The following PADI4 variants were observed in gnomAD, a reference collection of about 807,000 sequenced individuals.
PADI4 encodes the protein protein-arginine deiminase type-4.
Under a neutral mutation model 75.0 loss-of-function variants are expected in PADI4, and 62 were observed. The ratio of observed to expected loss-of-function variants is 0.83; its 90% confidence interval spans 0.67 to 1.02. The LOEUF is 1.02. Among genes scored for constraint, PADI4 ranks in the 50% least tolerant of loss-of-function variants. The pLI is 0.00. For synonymous variants in PADI4, 361 were observed against 348.1 expected, an observed-to-expected ratio of 1.04 and a Z score of -0.41; for missense variants, 845 against 850.5, an observed-to-expected ratio of 0.99 and a Z score of 0.08.
At chr1:17,311,575 A>T (rs1417779524) in intron 1 of PADI4, among the ~76,000 whole-genome samples, 3 of 150,070 alleles carry the variant, frequency 2.0e-5, no homozygotes, top group African/African-American at 4.9e-5. Flanking sequence ...CCCAGGCTGG[A>T]GTGCAGTGGC....
chr1:17,359,237 C>T, intron 14 of PADI4, 43 bp from the exon 15 acceptor site: 1 of 894,138 alleles, frequency 1.1e-6, no homozygotes, highest in Non-Finnish European at 1.7e-6. Flanking sequence ...CCACCCCCGA[C>T]TGCCATCAGT....
chr1:17,312,839 G>A (rs1443023207), intron 1 of PADI4, among the ~76,000 whole-genome samples: 2 of 150,392 alleles, frequency 1.3e-5, no homozygotes, highest in East Asian at 3.9e-4. Flanking sequence ...TCGGCAAATT[G>A]TGAGGGAGAT....
At chr1:17,308,431 A>G in intron 1 of PADI4, 117 bp downstream of exon 1, 2 of 761,230 alleles carry the variant, frequency 2.6e-6, no homozygotes, top group Non-Finnish European at 4.4e-6. Context: ...CTCTGCAGCC[A>G]CTGCCAGGGG....
At position 17,349,923 on chromosome 1, in the gene PADI4, C is replaced by T. The variant is rs146076750; in HGVS notation, c.1155+1875C>T. On this transcript the variant is annotated intron_variant, in intron 10 of 15. Coordinates refer to ENST00000375448, the MANE Select transcript of PADI4 (RefSeq NM_012387.3). ...ACTTGCCTAACGTTTCCCCACCTCA[C>T]GGTCTTTGCATATGCCGTTCCCTCT... 1.9e-3 allele frequency among the ~76,000 whole-genome samples: 231 copies of T among 122,968 alleles called. 15 individuals are homozygous for T. The highest frequency in any genetic ancestry group is 8.8e-3 in the Middle Eastern group (2 of 226). 80.7% of individuals were successfully genotyped at this position (122,968 alleles called of 152,430 possible).
At chr1:17,359,217 T>TTGCCCCCCCCCCCCCC in intron 14 of PADI4, 63 bp from the exon 15 acceptor site, 1 of 647,812 alleles carries the variant, frequency 1.5e-6, no homozygotes. Context: ...CCCCACACTG[T>TTGCCCCCCCCCCCCCC]CCCCCACCCC....
intron 15 of PADI4, among the ~76,000 whole-genome samples, chr1:17,361,580 T>C (rs140771201): frequency 1.3e-5 from 2 of 152,370 alleles, no homozygotes; most frequent in African/African-American, 4.8e-5. Flanking sequence ...ATCTACTGTG[T>C]GCCAGCACAG....
At chr1:17,314,645 A>T (rs556670158) in intron 1 of PADI4, among the ~76,000 whole-genome samples, 2 of 152,302 alleles carry the variant, frequency 1.3e-5, no homozygotes, top group South Asian at 4.1e-4. Context: ...GAGGCCCAGG[A>T]GAGGTCAGTG....
intron 1 of PADI4, among the ~76,000 whole-genome samples, chr1:17,316,103 A>G (rs926811852): frequency 1.3e-5 from 2 of 152,006 alleles, no homozygotes; most frequent in African/African-American, 4.8e-5. Flanking sequence ...TTATGTCGAT[A>G]ACACTCCTGG....
intron 10 of PADI4, among the ~76,000 whole-genome samples, chr1:17,351,157 T>G (rs61766763): frequency 2.7e-5 from 2 of 73,474 alleles, no homozygotes; most frequent in East Asian, 2.4e-3. Context: ...ATGATTGCAC[T>G]TCTGCACTCC....
chr1:17,345,708 T>TC (rs2074503055), intron 8 of PADI4, among the ~76,000 whole-genome samples: 1 of 152,294 alleles, frequency 6.6e-6, no homozygotes, highest in African/African-American at 2.4e-5. Flanking sequence ...GCCTTTTGCC[T>TC]CCCACCATGG....
At chr1:17,334,176 T>A (rs1295036220) in intron 3 of PADI4, 167 bp downstream of exon 3, 1 of 607,804 alleles carries the variant, frequency 1.6e-6, no homozygotes, top group East Asian at 2.8e-5. Flanking sequence ...AAATATTCCA[T>A]CCTTAGTCAG....
chr1:17,327,463 T>C lies in PADI4; in HGVS notation c.93-3506T>C, dbSNP rs561874716. On this transcript the variant is annotated intron_variant, in intron 1 of 15. Transcript: ENST00000375448. Reference sequence around the variant, plus strand: ...TTTTAGATGTGTTTCTTATAATCAGTATATTACTGGATTTTGTTTATTTAA... The same window carrying C: ...TTTTAGATGTGTTTCTTATAATCAGCATATTACTGGATTTTGTTTATTTAA... 3.9e-5 allele frequency among the ~76,000 whole-genome samples: 6 copies of C among 152,308 alleles called. No individual in the cohort carries two copies. In the South Asian group the frequency reaches 1.2e-3, roughly 32 times the overall value.
Position 17,348,009 on chromosome 1 carries a change from G to T in PADI4, c.1116G>T (p.Arg372Ser). 5.0e-6 allele frequency: 8 copies of T among 1,612,756 alleles called. 1 individual carries two copies. In the South Asian group the frequency reaches 8.8e-5, roughly 18 times the overall value. ...KTLPVVFDSP[R>S]NRGLKEFPIK... ...TGCCCGTGGTCTTCGACTCTCCAAG[G>T]AACAGAGGCCTGAAGGAGTTTCCCA... The change falls in exon 10 of 16, where the codon AGG (arginine) becomes AGT (serine). Residue 372 changes from arginine to serine, a missense_variant. Arg to Ser is a moderately radical substitution (Grantham distance 110). Transcript: ENST00000375448.
At position 17,338,068 on chromosome 1, in the gene PADI4, G is replaced by A. The variant is rs371334403; in HGVS notation, c.439G>A (p.Gly147Ser). The A allele has an allele frequency of 1.1e-4, 180 of 1,613,562 alleles. No individual in the cohort carries two copies. The highest frequency in any genetic ancestry group is 3.3e-4 in the Middle Eastern group (2 of 6,084). The change falls in exon 5 of 16, where the codon GGT (glycine) becomes AGT (serine). Residue 147 changes from glycine (G) to serine (S), a missense_variant. Gly to Ser is a moderately conservative substitution (Grantham distance 56). Transcript: ENST00000375448. ...RTWTWGPCGQ[G>S]AILLVNCDRD... ...CTGGACCTGGGGCCCTTGTGGACAG[G>A]GTGCCATCCTGCTGGTGAACTGTGA...
chr1:17,313,081 T>G (rs2073867386), intron 1 of PADI4, among the ~76,000 whole-genome samples: 1 of 151,980 alleles, frequency 6.6e-6, no homozygotes, highest in African/African-American at 2.4e-5. Context: ...TCCCAGCTAC[T>G]CGCGAGGGTG....
At chr1:17,309,944 A>C (rs1173285362) in intron 1 of PADI4, among the ~76,000 whole-genome samples, 1 of 152,128 alleles carries the variant, frequency 6.6e-6, no homozygotes, top group Non-Finnish European at 1.5e-5. Context: ...AGTAATCAAG[A>C]TCACAAGTGC....
chr1:17,337,345 C>T (rs1340877519), intron 4 of PADI4, among the ~76,000 whole-genome samples: 1 of 152,034 alleles, frequency 6.6e-6, no homozygotes, highest in African/African-American at 2.4e-5. Context: ...AGCGTTTCGC[C>T]ATGTTGGCCA....
At chr1:17,345,551 C>A (rs2074500299) in intron 8 of PADI4, among the ~76,000 whole-genome samples, 1 of 152,152 alleles carries the variant, frequency 6.6e-6, no homozygotes, top group Non-Finnish European at 1.5e-5. Flanking sequence ...GGGAGGGACC[C>A]AGTGGGAGAT....
In PADI4 at chr1:17,338,096, G is replaced by C. The variant is rs1178937427; in HGVS notation, c.467G>C (p.Arg156Thr). ...QGAILLVNCD[R>T]DNLESSAMDC... ...GCCATCCTGCTGGTGAACTGTGACA[G>C]AGACAATCTCGAATCTTCTGCCATG... The change falls in exon 5 of 16, where the codon AGA (arginine) becomes ACA (threonine). Residue 156 changes from arginine (R) to threonine (T), a missense_variant. By Grantham distance (71) the Arg-to-Thr change is moderately conservative. Coordinates refer to ENST00000375448, the MANE Select transcript of PADI4 (RefSeq NM_012387.3). 2.5e-6 allele frequency: 4 copies of C among 1,613,622 alleles called. No homozygotes were observed. Among genetic ancestry groups the C allele is most frequent in the Non-Finnish European group, 3.4e-6 (4 of 1,179,744 alleles).
Sources: allele counts gnomAD v4.1 joint callset (sites outside exome capture counted in the v4.1 genomes callset), GRCh38; gene constraint gnomAD v4.1.1; transcripts MANE v1.5; gene names NCBI Gene and HGNC (gene_info 2026-07-23, HGNC 2026-07-21).